Variants in NBAS observed in about 807,000 individuals in gnomAD.
The protein encoded by NBAS is NAG/BC035112 fusion.
In NBAS, 219 loss-of-function variants were observed where a neutral mutation model predicts 302.5. The ratio of observed to expected loss-of-function variants is 0.72; its 90% CI spans 0.65 to 0.81. The LOEUF (loss-of-function observed/expected upper bound fraction) is 0.81. Ranked by LOEUF, NBAS falls within the 30% of genes least tolerant of loss-of-function variation. The pLI is 0.00. For synonymous variants in NBAS, 1,118 were observed against 1,021.6 expected (o/e 1.09, Z -1.80); for missense variants, 2,932 against 2,841.6 (o/e 1.03, Z -0.72).
chr2:14,807,885 G>T, the NBAS span, among the ~76,000 whole-genome samples: 2 of 152,016 alleles, frequency 1.3e-5, no homozygotes, highest in Non-Finnish European at 2.9e-5. Flanking sequence ...GTTGCAAAGG[G>T]TTAGTGCTCT....
the NBAS span, among the ~76,000 whole-genome samples, chr2:14,797,488 A>G: frequency 6.6e-6 from 1 of 152,100 alleles, no homozygotes; most frequent in African/African-American, 2.4e-5. Flanking sequence ...AACACGCCCC[A>G]TTCACCACAC....
the NBAS span, among the ~76,000 whole-genome samples, chr2:14,958,608 G>A: frequency 1.3e-5 from 2 of 152,162 alleles, no homozygotes; most frequent in Non-Finnish European, 2.9e-5. Flanking sequence ...AATGGAACAC[G>A]GGCATCTGTT....
rs56927351 is a variant in NBAS, at chr2:15,351,285, C to T, written c.4179+707G>A. 4.7e-3 allele frequency among the ~76,000 whole-genome samples: 714 copies of T among 152,084 alleles called. 9 individuals carry two copies. The highest frequency in any genetic ancestry group is 0.016 in the African/African-American group (665 of 41,464). The stretch of plus-strand genomic sequence containing the variant: ...TATTGAGGGTATGTATGGTACGTAT[C>T]GACATTATTTAAAACAAAAACAAAA... On this transcript the variant is annotated intron_variant, in intron 35 of 51. Coordinates refer to ENST00000281513, the MANE Select transcript of NBAS (RefSeq NM_015909.4).
In NBAS at chr2:15,353,703, A is replaced by T. The variant is rs1371477346; in HGVS notation, c.3939T>A (p.Pro1313=). ...HCQELMATGY[P]KSWDVCSQLG... is the part of the protein sequence containing the mutation. ...ACTGGCTACAAACATCCCAACTTTT[A>T]GGATAACCTGCAAAATTGGCAAGGA... Residue 1313 remains proline (P), a synonymous_variant, in exon 34 of 52, where the codon CCT becomes CCA. Transcript: ENST00000281513. 1 of 1,614,032 alleles carries T rather than the reference A, an allele frequency of 6.2e-7. No individual in the cohort carries two copies. The highest frequency in any genetic ancestry group is 2.2e-5 in the East Asian group (1 of 44,874).
intron 44 of NBAS, among the ~76,000 whole-genome samples, chr2:15,242,195 G>C (rs1320275546): frequency 6.6e-6 from 1 of 152,212 alleles, no homozygotes; most frequent in South Asian, 2.1e-4. Flanking sequence ...TGTAGGTTAT[G>C]AGAGACAGGT....
rs571083427 is a variant in NBAS at position 15,229,799 on chromosome 2, G to GA, written c.6236+2622dup. Among the ~76,000 whole-genome samples, 11 of 147,646 alleles carry GA rather than the reference G, an allele frequency of 7.5e-5. 1 individual carries two copies. The highest frequency in any genetic ancestry group is 4.0e-4 in the East Asian group (2 of 5,020). Reference sequence around the variant, plus strand: ...CTCCACGTAAAAAAAAAAAAGAAAAGAAAAAAAAAGAGGACGTGAAAAATG... The same window carrying GA: ...CTCCACGTAAAAAAAAAAAAGAAAAGAAAAAAAAAAGAGGACGTGAAAAATG... On this transcript the variant is annotated intron_variant, in intron 47 of 51. Transcript: ENST00000281513.
At chr2:15,524,422 C>G (rs1158057148) in intron 9 of NBAS, among the ~76,000 whole-genome samples, 2 of 152,104 alleles carry the variant, frequency 1.3e-5, no homozygotes, top group East Asian at 3.8e-4. Context: ...TTACATGTCC[C>G]GGTCCAAACT....
the NBAS span, among the ~76,000 whole-genome samples, chr2:14,809,944 A>G: frequency 6.6e-6 from 1 of 152,120 alleles, no homozygotes; most frequent in African/African-American, 2.4e-5. Context: ...GAGCTTTAAG[A>G]TTTGACTGCC....
chr2:15,010,171 GAA>G, the NBAS span, among the ~76,000 whole-genome samples: 5 of 152,082 alleles, frequency 3.3e-5, no homozygotes, highest in Admixed American at 3.3e-4. Flanking sequence ...ACCCATACAG[GAA>G]CACCAAGAAA....
chr2:15,223,341 T>TA (rs1667029533), intron 47 of NBAS, among the ~76,000 whole-genome samples: 2 of 152,132 alleles, frequency 1.3e-5, no homozygotes, highest in Admixed American at 6.5e-5. Flanking sequence ...ATTTTTTTTT[T>TA]ATCTGTGTAA....
At chr2:15,363,419 T>C (rs540849017) in intron 32 of NBAS, among the ~76,000 whole-genome samples, 3 of 152,322 alleles carry the variant, frequency 2.0e-5, no homozygotes, top group East Asian at 3.9e-4. Flanking sequence ...TGAGATGTGG[T>C]AAAATCTGCT....
At chr2:15,334,377 A>C (rs964780704) in intron 35 of NBAS, among the ~76,000 whole-genome samples, 4 of 151,906 alleles carry the variant, frequency 2.6e-5, no homozygotes, top group African/African-American at 9.7e-5. Context: ...TTTCGTAGAG[A>C]TGGAGTTTCA....
chr2:14,962,788 A>C, the NBAS span, among the ~76,000 whole-genome samples: 1 of 152,114 alleles, frequency 6.6e-6, no homozygotes, highest in Non-Finnish European at 1.5e-5. Context: ...ATGTCACAAC[A>C]GGCCTGCATT....
chr2:15,367,584 G>T (rs1674273589), intron 31 of NBAS, among the ~76,000 whole-genome samples: 1 of 152,152 alleles, frequency 6.6e-6, no homozygotes, highest in Non-Finnish European at 1.5e-5. Context: ...CTTTGGCAAA[G>T]GTCACTGAAA....
chr2:15,448,454 A>C lies in NBAS; in HGVS notation c.2339+12747T>G, dbSNP rs117486418. 1.1e-4 allele frequency among the ~76,000 whole-genome samples: 16 copies of C among 152,298 alleles called. No homozygotes were observed. The East Asian group carries it at 3.1e-3, about 29-fold the overall frequency. ...TTTCACACTTGAAGAAACTGAAGCC[A>C]AATGACTTTCCAAAAATAACACAGC... On this transcript the variant is annotated intron_variant, in intron 21 of 51. Transcript: ENST00000281513.
the NBAS span, among the ~76,000 whole-genome samples, chr2:14,801,844 C>A: frequency 6.6e-6 from 1 of 151,670 alleles, no homozygotes; most frequent in Middle Eastern, 3.4e-3. Context: ...CTGTTCATGT[C>A]CTTCGCCCAC....
chr2:15,165,517 A>G (rs1262126125), downstream of NBAS, among the ~76,000 whole-genome samples: 1 of 152,212 alleles, frequency 6.6e-6, no homozygotes, highest in African/African-American at 2.4e-5. Context: ...CAAAACTTTC[A>G]TCAGAGGACT....
Position 15,352,902 on chromosome 2 carries a change from T to C in NBAS, c.4089+651A>G, listed in dbSNP as rs539218329. On this transcript the variant is annotated intron_variant, in intron 34 of 51. Coordinates refer to ENST00000281513, the MANE Select transcript of NBAS (RefSeq NM_015909.4). The stretch of plus-strand genomic sequence containing the variant: ...TGCTGGCTGCAACCAATTATTATCT[T>C]AGAGAGGCAGTGTGACAACTGCCTG... Among the ~76,000 whole-genome samples, 10 of 152,142 alleles carry C rather than the reference T, an allele frequency of 6.6e-5. 1 individual carries two copies. The South Asian group carries it at 1.2e-3, about 19-fold the overall frequency.
chr2:15,424,216 T>C lies in NBAS; in HGVS notation c.2577+99A>G, dbSNP rs963036779. 1.7e-5 allele frequency: 23 copies of C among 1,328,646 alleles called. 3 individuals are homozygous for C. Among genetic ancestry groups the C allele is most frequent in the East Asian group, 2.3e-5 (1 of 43,528 alleles). 82.3% of individuals were successfully genotyped at this position (1,328,646 alleles called of 1,614,324 possible). The stretch of plus-strand genomic sequence containing the variant: ...TCATCTCTTGCAATTATATACATGA[T>C]TCCTGCACTGCTGTCAGCCCCGACT... On this transcript the variant is annotated intron_variant, in intron 23 of 51. Coordinates refer to ENST00000281513, the MANE Select transcript of NBAS (RefSeq NM_015909.4).
Sources: gnomAD v4.1 joint callset for allele counts (sites outside exome capture counted in the v4.1 genomes callset) on GRCh38, gnomAD v4.1.1 for gene constraint, MANE v1.5 for transcripts, NCBI Gene and HGNC (gene_info 2026-07-23, HGNC 2026-07-21) for gene names.